ADGRL2: variants seen among roughly 807,000 people sequenced by gnomAD.
ADGRL2 encodes calcium-independent alpha-latrotoxin receptor 2.
In ADGRL2, 44 loss-of-function variants were observed where a neutral mutation model predicts 157.4. That is an observed-to-expected ratio of 0.28 (90% confidence interval 0.22 to 0.36). ADGRL2 has a LOEUF of 0.36. Ranked by LOEUF, ADGRL2 falls within the 10% of genes least tolerant of loss-of-function variation. The probability of loss-of-function intolerance (pLI) is 1.00; values close to 1 mark genes in which losing one functional copy is unlikely to be tolerated. For synonymous variants in ADGRL2, 585 were observed against 624.7 expected (o/e 0.94, Z 0.95); for missense variants, 1,510 against 1,768.9 (o/e 0.85, Z 2.63).
At chr1:81,363,951 G>C (rs2076021187) in intron 1 of ADGRL2, among the ~76,000 whole-genome samples, 1 of 152,114 alleles carries the variant, frequency 6.6e-6, no homozygotes, top group Non-Finnish European at 1.5e-5. Context: ...TTGAAATGAA[G>C]AAATTCTTCA....
At chr1:81,735,676 G>A (rs2084872462) in intron 1 of ADGRL2, among the ~76,000 whole-genome samples, 2 of 152,034 alleles carry the variant, frequency 1.3e-5, no homozygotes, top group Non-Finnish European at 2.9e-5. Context: ...TGTAATCCCA[G>A]CTACCTGGGA....
intron 2 of ADGRL2, among the ~76,000 whole-genome samples, chr1:81,511,646 T>G (rs1330734265): frequency 6.6e-6 from 1 of 152,172 alleles, no homozygotes; most frequent in Non-Finnish European, 1.5e-5. Context: ...TCATCAGAGT[T>G]TGTTTGATAT....
chr1:81,436,923 T>A (rs2077420144), intron 1 of ADGRL2, among the ~76,000 whole-genome samples: 1 of 152,250 alleles, frequency 6.6e-6, no homozygotes, highest in African/African-American at 2.4e-5. Context: ...CTTTCTTCTT[T>A]CCACACCTTA....
At chr1:81,711,342 G>C (rs2083922070) in intron 1 of ADGRL2, among the ~76,000 whole-genome samples, 2 of 152,150 alleles carry the variant, frequency 1.3e-5, no homozygotes, top group African/African-American at 4.8e-5. Context: ...GCTTTTTAAA[G>C]TAAAAATGGT....
chr1:81,626,464 C>A (rs1164847668), intron 3 of ADGRL2, among the ~76,000 whole-genome samples: 10 of 152,168 alleles, frequency 6.6e-5, no homozygotes. Flanking sequence ...AGCCACCACA[C>A]CCAGCTAATT....
At position 81,966,089 on chromosome 1, in the gene ADGRL2, A is replaced by T; in HGVS notation, c.2049A>T (p.Gly683=). Residue 683 remains glycine, a synonymous_variant, in exon 12 of 24, where the codon GGA becomes GGT. Coordinates refer to ENST00000686636, the MANE Select transcript of ADGRL2 (RefSeq NM_001366006.2). ...VLEVAVLSTE[G]QIQDFKFPLG... is the part of the protein sequence containing the mutation. ...AAGTTGCCGTACTCAGTACAGAAGG[A>T]CAGATCCAAGACTTTAAATTTCCTC... The T allele has an allele frequency of 6.2e-7, 1 of 1,614,018 alleles. No individual in the cohort carries two copies. Among genetic ancestry groups the T allele is most frequent in the Non-Finnish European group, 8.5e-7 (1 of 1,179,972 alleles).
intron 2 of ADGRL2, among the ~76,000 whole-genome samples, chr1:81,541,599 A>T (rs1291057144): frequency 6.6e-6 from 1 of 152,226 alleles, no homozygotes. Context: ...CAAATAAGAA[A>T]GAAAGATCAA....
intron 3 of ADGRL2, among the ~76,000 whole-genome samples, chr1:81,601,117 A>G (rs1489542362): frequency 6.6e-6 from 1 of 152,218 alleles, no homozygotes; most frequent in Non-Finnish European, 1.5e-5. Flanking sequence ...GAGCAGGATG[A>G]TTTATAAACC....
At chr1:81,412,039 G>T (rs1570895016) in intron 1 of ADGRL2, among the ~76,000 whole-genome samples, 1 of 152,082 alleles carries the variant, frequency 6.6e-6, no homozygotes, top group African/African-American at 2.4e-5. Context: ...TACTTAATAT[G>T]TATTGAGAAA....
intron 3 of ADGRL2, among the ~76,000 whole-genome samples, chr1:81,915,253 G>GC (rs1553188997): frequency 5.3e-5 from 8 of 151,890 alleles, no homozygotes; most frequent in Non-Finnish European, 7.4e-5. Context: ...TTTTTGAAAA[G>GC]TTTTTTTACA....
At chr1:81,420,104 A>G (rs2077099575) in intron 1 of ADGRL2, among the ~76,000 whole-genome samples, 1 of 152,212 alleles carries the variant, frequency 6.6e-6, no homozygotes, top group Non-Finnish European at 1.5e-5. Context: ...AGGCAACCTA[A>G]CCTGTAATCT....
intron 2 of ADGRL2, among the ~76,000 whole-genome samples, chr1:81,875,182 C>T (rs777471733): frequency 2.6e-5 from 4 of 151,988 alleles, no homozygotes; most frequent in Non-Finnish European, 2.9e-5. Flanking sequence ...GATGGTGGGT[C>T]GTTTATAAGT....
Position 81,985,815 on chromosome 1 carries a change from AG to A in ADGRL2, c.3508+462del, listed in dbSNP as rs544758479. Among the ~76,000 whole-genome samples the A allele has an allele frequency of 1.8e-3, 276 of 152,138 alleles. 5 individuals carry two copies. Among genetic ancestry groups the A allele is most frequent in the Middle Eastern group, 6.9e-3 (2 of 290 alleles). On this transcript the variant is annotated intron_variant, in intron 21 of 23. Transcript: ENST00000686636. ...ATCAGTATAGTTCTTAAAATATGCT[AG>A]GAAATGAAGTAATTTAGAAAAGAGT...
At chr1:81,836,605 T>G (rs959767555) in intron 1 of ADGRL2, among the ~76,000 whole-genome samples, 2 of 152,104 alleles carry the variant, frequency 1.3e-5, no homozygotes, top group Non-Finnish European at 2.9e-5. Context: ...ATTTGGTGAT[T>G]AGGAATGTGG....
intron 2 of ADGRL2, among the ~76,000 whole-genome samples, chr1:81,559,458 T>A (rs189220244): frequency 6.6e-6 from 1 of 151,998 alleles, no homozygotes; most frequent in Non-Finnish European, 1.5e-5. Flanking sequence ...TGTTTTTTTT[T>A]TTTTAATGTT....
intron 2 of ADGRL2, among the ~76,000 whole-genome samples, chr1:81,534,790 C>T (rs1395495401): frequency 6.6e-6 from 1 of 152,206 alleles, no homozygotes; most frequent in Non-Finnish European, 1.5e-5. Context: ...AGACACCTTG[C>T]ATGGCTTATG....
At position 81,724,594 on chromosome 1, in the gene ADGRL2, T is replaced by A. The variant is rs151243040; in HGVS notation, c.-143+24786T>A. On this transcript the variant is annotated intron_variant, in intron 1 of 20. Transcript: ENST00000359929. ...GATAAATTTTCTGTTGTGCATTCAA[T>A]TCTTATTTTAAATAAGACTATGTAT... Among the ~76,000 whole-genome samples the A allele has an allele frequency of 3.6e-3, 553 of 152,162 alleles. 3 individuals are homozygous for A. Among genetic ancestry groups the A allele is most frequent in the Non-Finnish European group, 3.1e-3 (212 of 67,992 alleles).
chr1:81,464,308 ACT>A (rs2101825735), intron 2 of ADGRL2, among the ~76,000 whole-genome samples: 2 of 151,514 alleles, frequency 1.3e-5, no homozygotes, highest in African/African-American at 4.8e-5. Context: ...TTGTACACGC[ACT>A]CCATCCCCCC....
At position 81,817,899 on chromosome 1, in the gene ADGRL2, T is replaced by G. The variant is rs555061547; in HGVS notation, c.-101+16831T>G. Among the ~76,000 whole-genome samples, 6 of 152,188 alleles carry G rather than the reference T, an allele frequency of 3.9e-5. No homozygotes were observed. The South Asian group carries it at 1.2e-3, about 32-fold the overall frequency. On this transcript the variant is annotated intron_variant, in intron 1 of 23. Transcript: ENST00000686636. ...ATTTCTTTTGGCCAAGTGCGGTGTC[T>G]CATGCTTATAATCCCAGCGCCATAG...
Sources: allele counts gnomAD v4.1 joint callset (sites outside exome capture counted in the v4.1 genomes callset), GRCh38; gene constraint gnomAD v4.1.1; transcripts MANE v1.5; gene names NCBI Gene and HGNC (gene_info 2026-07-23, HGNC 2026-07-21).